PDK1: variants seen among roughly 807,000 people sequenced by gnomAD.
PDK1 encodes the protein [Pyruvate dehydrogenase (acetyl-transferring)] kinase isozyme 1, mitochondrial.
Under a neutral mutation model 54.2 loss-of-function variants are expected in PDK1, and 39 were observed. The observed-to-expected ratio is 0.72, with a 90% CI of 0.56 to 0.94. PDK1 has a LOEUF of 0.94. Among genes scored for constraint, PDK1 ranks in the 40% least tolerant of loss-of-function variants. PDK1 has a pLI of 0.00. For synonymous variants in PDK1, 221 were observed against 207.1 expected, an observed-to-expected ratio of 1.07 and a Z score of -0.58; for missense variants, 552 against 566.0, an observed-to-expected ratio of 0.98 and a Z score of 0.25.
chr2:172,583,114 T>G (rs553668778), intron 8 of PDK1, among the ~76,000 whole-genome samples: 1 of 152,218 alleles, frequency 6.6e-6, no homozygotes, highest in South Asian at 2.1e-4. Flanking sequence ...TACTTCCTAT[T>G]CATGTTAACT....
the PDK1 span, among the ~76,000 whole-genome samples, chr2:172,622,129 C>CTT: frequency 9.6e-6 from 1 of 104,142 alleles, no homozygotes; most frequent in Non-Finnish European, 2.0e-5. Context: ...GTTTATATCT[C>CTT]ATATTATGTG....
the PDK1 span, among the ~76,000 whole-genome samples, chr2:172,696,938 T>G: frequency 2.0e-5 from 3 of 152,120 alleles, no homozygotes; most frequent in Admixed American, 1.3e-4. Flanking sequence ...CAACCAACAT[T>G]CACAAGTTAT....
the PDK1 span, among the ~76,000 whole-genome samples, chr2:172,687,048 A>G: frequency 6.6e-6 from 1 of 152,202 alleles, no homozygotes; most frequent in Admixed American, 6.5e-5. Context: ...GAGCTCATTC[A>G]TAAGAAGTAT....
In PDK1 at chr2:172,607,452, C is replaced by CAT. The variant is rs1163037706; in HGVS notation, c.*11483_*11484insAT. On this transcript the variant is annotated 3_prime_UTR_variant, in exon 11 of 11. Coordinates refer to ENST00000282077, the MANE Select transcript of PDK1 (RefSeq NM_002610.5). Reference sequence around the variant, plus strand: ...GCCAAGGATGATGGCTTCAACATGTCTCCAGTTGTTTTGCCACTCCAGGGC... The same window carrying CAT: ...GCCAAGGATGATGGCTTCAACATGTCATTCCAGTTGTTTTGCCACTCCAGGGC... 6.6e-6 allele frequency: 1 copy of CAT among 152,216 alleles called. No individual in the cohort carries two copies. Among genetic ancestry groups the CAT allele is most frequent in the East Asian group, 1.9e-4 (1 of 5,202 alleles). 9.4% of individuals were successfully genotyped at this position (152,216 alleles called of 1,614,324 possible).
At chr2:172,670,041 A>G in the PDK1 span, among the ~76,000 whole-genome samples, 3 of 151,842 alleles carry the variant, frequency 2.0e-5, no homozygotes, top group South Asian at 2.1e-4. Flanking sequence ...TTTCATTGCC[A>G]AGGCATAGAT....
chr2:172,588,601 C>T (rs563876906), intron 9 of PDK1, among the ~76,000 whole-genome samples: 2 of 152,286 alleles, frequency 1.3e-5, no homozygotes, highest in South Asian at 4.1e-4. Flanking sequence ...CATCTACATG[C>T]CCTTAACAAG....
At chr2:172,579,132 G>C (rs1337596381) in intron 8 of PDK1, among the ~76,000 whole-genome samples, 1 of 152,148 alleles carries the variant, frequency 6.6e-6, no homozygotes, top group South Asian at 2.1e-4. Flanking sequence ...AGACCTTCCT[G>C]TTAAGCTTTT....
chr2:172,569,329 T>G (rs754413907), intron 7 of PDK1, among the ~76,000 whole-genome samples: 20 of 152,224 alleles, frequency 1.3e-4, no homozygotes, highest in Admixed American at 8.5e-4. Context: ...GTCATTTATA[T>G]TGACTTACAG....
chr2:172,570,577 A>G, intron 7 of PDK1, 149 bp from the exon 8 acceptor site: 1 of 488,004 alleles, frequency 2.0e-6, no homozygotes. Context: ...TCCATTAAAA[A>G]AAAAACTTTA....
At chr2:172,568,863 G>A in intron 7 of PDK1, 46 bp downstream of exon 7, 1 of 1,157,050 alleles carries the variant, frequency 8.6e-7, no homozygotes, top group Non-Finnish European at 1.3e-6. Context: ...CTTTTCTGAG[G>A]TTAGGAATCT....
At chr2:172,616,843 C>T in the PDK1 span, among the ~76,000 whole-genome samples, 2 of 152,126 alleles carry the variant, frequency 1.3e-5, no homozygotes, top group Non-Finnish European at 2.9e-5. Flanking sequence ...AGGGTAGTGT[C>T]TTGGAAAGTC....
chr2:172,721,784 T>C, the PDK1 span, among the ~76,000 whole-genome samples: 1 of 152,198 alleles, frequency 6.6e-6, no homozygotes, highest in Admixed American at 6.5e-5. Flanking sequence ...GGCCAGGCAA[T>C]ATTGTGTCTG....
chr2:172,594,187 G>C (rs1690765881), intron 10 of PDK1, among the ~76,000 whole-genome samples: 1 of 151,988 alleles, frequency 6.6e-6, no homozygotes, highest in African/African-American at 2.4e-5. Flanking sequence ...ACAGGCGCCT[G>C]ACTAATTTTG....
At chr2:172,614,678 C>T in the PDK1 span, among the ~76,000 whole-genome samples, 1 of 152,154 alleles carries the variant, frequency 6.6e-6, no homozygotes, top group African/African-American at 2.4e-5. Context: ...GAGGAGCCAC[C>T]CACTCCTCTG....
intron 9 of PDK1, among the ~76,000 whole-genome samples, chr2:172,589,995 GAAAGCTCTTTTTA>G (rs775939584): frequency 3.2e-4 from 49 of 152,308 alleles, no homozygotes; most frequent in Middle Eastern, 6.8e-3. Context: ...ACCAGGTCTA[GAAAGCTCTTTTTA>G]GAAGCTTAGG....
the PDK1 span, among the ~76,000 whole-genome samples, chr2:172,646,904 A>T: frequency 2.0e-5 from 3 of 151,772 alleles, no homozygotes; most frequent in South Asian, 6.3e-4. Context: ...TGTCTGGCTG[A>T]TTTTGTATTT....
intron 8 of PDK1, among the ~76,000 whole-genome samples, chr2:172,582,088 T>C (rs2149264181): frequency 6.6e-6 from 1 of 152,266 alleles, no homozygotes; most frequent in Non-Finnish European, 1.5e-5. Context: ...AATTTTTGTA[T>C]TTTTAGTAGA....
rs758624286 is a variant in PDK1 at position 172,574,327 on chromosome 2, A to G, written c.945+3503A>G. Among the ~76,000 whole-genome samples, 10 of 152,310 alleles carry G rather than the reference A, an allele frequency of 6.6e-5. No individual in the cohort carries two copies. In the East Asian group the frequency reaches 1.4e-3, roughly 21 times the overall value. On this transcript the variant is annotated intron_variant, in intron 8 of 10. Transcript: ENST00000282077. ...ATGCAAGTACTTAATGCCTGTCTCA[A>G]TGATTGTAGCTTTAAGTTTTGAAAT...
the PDK1 span, among the ~76,000 whole-genome samples, chr2:172,707,767 G>T: frequency 6.6e-6 from 1 of 152,206 alleles, no homozygotes; most frequent in Non-Finnish European, 1.5e-5. Flanking sequence ...AGAATTGTGT[G>T]TTAATAGTTA....
Sources: allele counts gnomAD v4.1 joint callset (sites outside exome capture counted in the v4.1 genomes callset), GRCh38; gene constraint gnomAD v4.1.1; transcripts MANE v1.5; gene names NCBI Gene and HGNC (gene_info 2026-07-23, HGNC 2026-07-21).